Variants in MYO5B observed in about 807,000 individuals in gnomAD.
MYO5B encodes myosin VB, also known as unconventional myosin-Vb.
A neutral mutation model predicts 229.3 loss-of-function variants in MYO5B; 143 were observed. That is an observed-to-expected ratio of 0.62 (90% CI 0.54 to 0.72). The LOEUF (loss-of-function observed/expected upper bound fraction) is 0.72. MYO5B is among the 30% of genes least tolerant of loss of function. The probability of loss-of-function intolerance (pLI) is 0.00; values close to 1 mark genes in which losing one functional copy is unlikely to be tolerated. For synonymous variants in MYO5B, 918 were observed against 885.2 expected (o/e 1.04, Z -0.66); for missense variants, 2,321 against 2,331.0 (o/e 1.00, Z 0.09).
intron 10 of MYO5B, among the ~76,000 whole-genome samples, chr18:49,966,731 T>C (rs2025630222): frequency 6.6e-6 from 1 of 152,246 alleles, no homozygotes; most frequent in Non-Finnish European, 1.5e-5. Flanking sequence ...TAATTTGAGA[T>C]GGACTGAAAT....
In MYO5B at chr18:50,111,825, C is replaced by T. The variant is rs369605544; in HGVS notation, c.28-56447G>A. The stretch of plus-strand genomic sequence containing the variant: ...ATTCATTTCTTTGAACTTCTGAAGA[C>T]TCTGCCTCTTATCAACTCATCCCCT... On this transcript the variant is annotated intron_variant, in intron 1 of 39. Coordinates refer to ENST00000285039, the MANE Select transcript of MYO5B (RefSeq NM_001080467.3). 4.7e-4 allele frequency among the ~76,000 whole-genome samples: 71 copies of T among 152,326 alleles called. 1 individual carries two copies. In the East Asian group the frequency reaches 0.01, roughly 22 times the overall value.
chr18:50,006,379 T>A (rs151326968), intron 4 of MYO5B, among the ~76,000 whole-genome samples: 142 of 152,336 alleles, frequency 9.3e-4, no homozygotes, highest in African/African-American at 3.3e-3. Flanking sequence ...ATTCCTTTCA[T>A]GTAGAGGGAG....
At chr18:50,165,133 A>C (rs1037636984) in intron 1 of MYO5B, among the ~76,000 whole-genome samples, 3 of 152,236 alleles carry the variant, frequency 2.0e-5, no homozygotes, top group Admixed American at 2.0e-4. Context: ...ACTAGTCATC[A>C]ACTCAGGGGA....
At chr18:49,927,741 A>T (rs2025145858) in intron 17 of MYO5B, among the ~76,000 whole-genome samples, 1 of 152,250 alleles carries the variant, frequency 6.6e-6, no homozygotes, top group Admixed American at 6.5e-5. Context: ...TACAAAAATC[A>T]ACTCAAGATG....
chr18:49,920,535 T>C (rs1004999496), intron 17 of MYO5B, among the ~76,000 whole-genome samples: 1 of 152,094 alleles, frequency 6.6e-6, no homozygotes, highest in African/African-American at 2.4e-5. Context: ...GCCCCATTAG[T>C]GGCCCTAGAT....
intron 22 of MYO5B, among the ~76,000 whole-genome samples, chr18:49,886,218 G>T (rs941635043): frequency 6.6e-6 from 1 of 152,184 alleles, no homozygotes; most frequent in Admixed American, 6.5e-5. Flanking sequence ...TGGGTTTACA[G>T]ATATGAGCCA....
rs148122121 is a variant in MYO5B, at chr18:49,828,805, C to G, written c.5395-2182G>C. 8.3e-3 allele frequency among the ~76,000 whole-genome samples: 1,257 copies of G among 151,470 alleles called. 23 individuals carry two copies. The highest frequency in any genetic ancestry group is 0.028 in the African/African-American group (1,169 of 41,256). ...AATAAGTTCTCAAATAGCCAATGGG[C>G]TAAAGAAATCACAGGGGGAATTAGG... On this transcript the variant is annotated intron_variant, in intron 39 of 39. Transcript: ENST00000285039.
chr18:50,161,545 G>C (rs113735744), intron 1 of MYO5B, among the ~76,000 whole-genome samples: 2 of 152,242 alleles, frequency 1.3e-5, no homozygotes, highest in African/African-American at 4.8e-5. Flanking sequence ...GGGGGCACAG[G>C]AGTCACTGCT....
At chr18:50,116,389 G>C (rs1705548) in intron 1 of MYO5B, among the ~76,000 whole-genome samples, 81,279 of 151,942 alleles carry the variant, frequency 0.53, 21,920 homozygotes, top group Admixed American at 0.64. Flanking sequence ...CAGGATGCTT[G>C]TTCCCCAAAT....
rs2023791574 is a variant in MYO5B, at chr18:49,823,149, C to T, written c.*3322G>A. 6.6e-6 allele frequency: 1 copy of T among 152,276 alleles called. No individual in the cohort carries two copies. 9.4% of individuals were successfully genotyped at this position (152,276 alleles called of 1,614,324 possible). On this transcript the variant is annotated 3_prime_UTR_variant, in exon 40 of 40. Coordinates refer to ENST00000285039, the MANE Select transcript of MYO5B (RefSeq NM_001080467.3). ...AATTAGAAATTTTTTGAAAAACAAT[C>T]TTTTGTATCTAATGACCTTTATAAT...
chr18:49,855,316 G>C (rs868121989), intron 30 of MYO5B, among the ~76,000 whole-genome samples: 27 of 152,306 alleles, frequency 1.8e-4, no homozygotes, highest in Middle Eastern at 3.4e-3. Context: ...CATCGTGCAG[G>C]TGAGAAAACT....
chr18:50,179,311 A>G (rs1401221341), intron 1 of MYO5B, among the ~76,000 whole-genome samples: 2 of 152,196 alleles, frequency 1.3e-5, no homozygotes, highest in Non-Finnish European at 2.9e-5. Flanking sequence ...ACTGTATCTG[A>G]TGCACCCAAA....
chr18:50,135,707 C>T lies in MYO5B; in HGVS notation c.27+59060G>A, dbSNP rs141122580. 4.2e-3 allele frequency among the ~76,000 whole-genome samples: 640 copies of T among 152,250 alleles called. 5 individuals carry two copies. Among genetic ancestry groups the T allele is most frequent in the Non-Finnish European group, 6.5e-3 (441 of 68,030 alleles). The stretch of plus-strand genomic sequence containing the variant: ...TTAAAGACAATTGAGATTCCATGCA[C>T]GCTGTCTTACTATTGTAAAAGCAGG... On this transcript the variant is annotated intron_variant, in intron 1 of 39. Coordinates refer to ENST00000285039, the MANE Select transcript of MYO5B (RefSeq NM_001080467.3).
At chr18:50,094,963 C>G (rs58100385) in intron 1 of MYO5B, among the ~76,000 whole-genome samples, 36,361 of 152,028 alleles carry the variant, frequency 0.24, 5,331 homozygotes, top group African/African-American at 0.42. Flanking sequence ...GAGTAGCTGG[C>G]ACTACAGGCG....
intron 1 of MYO5B, among the ~76,000 whole-genome samples, chr18:50,127,648 G>A (rs866349971): frequency 1.3e-5 from 2 of 152,204 alleles, no homozygotes; most frequent in East Asian, 3.9e-4. Flanking sequence ...CACGGAAGAG[G>A]TGGGATTTAG....
At chr18:50,076,160 G>A (rs777695418) in intron 1 of MYO5B, among the ~76,000 whole-genome samples, 5 of 152,134 alleles carry the variant, frequency 3.3e-5, no homozygotes, top group Admixed American at 6.5e-5. Context: ...ATTGCAAAAG[G>A]CGTGCCAGAG....
chr18:49,930,809 A>G (rs536986036), intron 16 of MYO5B, among the ~76,000 whole-genome samples: 12 of 151,780 alleles, frequency 7.9e-5, no homozygotes, highest in African/African-American at 2.2e-4. Context: ...GAAGAATGGC[A>G]TGAATCCGGG....
At chr18:50,035,938 C>T (rs2026443439) in intron 4 of MYO5B, among the ~76,000 whole-genome samples, 3 of 152,164 alleles carry the variant, frequency 2.0e-5, no homozygotes, top group African/African-American at 7.2e-5. Context: ...AAACAGTCTT[C>T]CCTCATGGAA....
intron 1 of MYO5B, among the ~76,000 whole-genome samples, chr18:50,074,544 C>T (rs539951848): frequency 2.0e-5 from 3 of 152,296 alleles, no homozygotes; most frequent in Non-Finnish European, 2.9e-5. Flanking sequence ...GCAATTCTAG[C>T]TCGATAGGTC....
Sources: allele counts gnomAD v4.1 joint callset (sites outside exome capture counted in the v4.1 genomes callset), GRCh38; gene constraint gnomAD v4.1.1; transcripts MANE v1.5; gene names NCBI Gene and HGNC (gene_info 2026-07-23, HGNC 2026-07-21).